Variants in PRRX2 observed in about 807,000 individuals in gnomAD.
The protein encoded by PRRX2 is paired related homeobox 2.
A neutral mutation model predicts 18.0 loss-of-function variants in PRRX2; 11 were observed. The observed-to-expected ratio is 0.61, with a 90% CI of 0.39 to 1.01. The LOEUF is 1.01. Ranked by LOEUF, PRRX2 falls within the 50% of genes least tolerant of loss-of-function variation. The pLI, the probability that PRRX2 is intolerant of heterozygous loss-of-function variation, is 0.01. For synonymous variants in PRRX2, 177 were observed against 154.8 expected (o/e 1.14, Z -1.06); for missense variants, 387 against 351.0 (o/e 1.10, Z -0.82).
intron 1 of PRRX2, among the ~76,000 whole-genome samples, chr9:129,705,949 C>T (rs1564153114): frequency 6.6e-6 from 1 of 151,898 alleles, no homozygotes; most frequent in Non-Finnish European, 1.5e-5. Context: ...CCTCTTGGGG[C>T]CTCCCCGGCA....
intron 1 of PRRX2, among the ~76,000 whole-genome samples, chr9:129,685,447 G>A (rs1216492777): frequency 1.3e-5 from 2 of 152,040 alleles, no homozygotes; most frequent in African/African-American, 2.4e-5. Flanking sequence ...GCTCACTATA[G>A]CCTCAACCTC....
intron 1 of PRRX2, among the ~76,000 whole-genome samples, chr9:129,678,818 T>TA (rs560234244): frequency 9.4e-4 from 143 of 152,250 alleles, no homozygotes; most frequent in Non-Finnish European, 1.4e-3. Flanking sequence ...GAGCATCTCT[T>TA]ACGGTCACAT....
Position 129,665,991 on chromosome 9 carries a change from C to T in PRRX2, c.124C>T (p.His42Tyr). 1 of 1,138,836 alleles carries T rather than the reference C, an allele frequency of 8.8e-7. No homozygotes were observed. The highest frequency in any genetic ancestry group is 2.3e-5 in the South Asian group (1 of 44,098). 70.5% of individuals were successfully genotyped at this position (1,138,836 alleles called of 1,614,324 possible). A position where few individuals can be genotyped will look rare whatever the true frequency, so the allele number is the denominator to read the frequency against. Residue 42 changes from histidine (H) to tyrosine (Y), a missense_variant, in exon 1 of 4, where the codon CAC (histidine) becomes TAC (tyrosine). Coordinates refer to ENST00000372469, the MANE Select transcript of PRRX2 (RefSeq NM_016307.4). This position sits in a 1 kb window ranked among gnomAD's most constrained non-coding sequence, Gnocchi z 5.3. ...AQARKNFSVS[H>Y]LLDLEEVAAA... ...GGCGCGCAAGAACTTCTCGGTGAGC[C>T]ACCTCCTGGACCTGGAAGAGGTGGC...
rs1832152064 is a variant in PRRX2, at chr9:129,675,432, A to G, written c.259+9306A>G. On this transcript the variant is annotated intron_variant, in intron 1 of 3. Coordinates refer to ENST00000372469, the MANE Select transcript of PRRX2 (RefSeq NM_016307.4). The surrounding 1 kb of genome is among the most constrained non-coding windows in gnomAD (Gnocchi z 4.4). ...AGGGTTGGGGTGTAGGAGGCAGTCAAAAGCACCCCTGCTGAGCTGGAGCCA... is the reference window on the plus strand; with the variant it reads ...AGGGTTGGGGTGTAGGAGGCAGTCAGAAGCACCCCTGCTGAGCTGGAGCCA... Among the ~76,000 whole-genome samples, 1 of 152,066 alleles carries G rather than the reference A, an allele frequency of 6.6e-6. No homozygotes were observed. Among genetic ancestry groups the G allele is most frequent in the Non-Finnish European group, 1.5e-5 (1 of 67,966 alleles).
At position 129,675,574 on chromosome 9, in the gene PRRX2, G is replaced by A. The variant is rs1832153600; in HGVS notation, c.259+9448G>A. On this transcript the variant is annotated intron_variant, in intron 1 of 3. Coordinates refer to ENST00000372469, the MANE Select transcript of PRRX2 (RefSeq NM_016307.4). This position sits in a 1 kb window ranked among gnomAD's most constrained non-coding sequence, Gnocchi z 4.4. ...GGGATGGGGATCCACTGCCCCCAGG[G>A]GGCGGCTGCCTTGCCCCAGACTTTG... Among the ~76,000 whole-genome samples, 1 of 152,028 alleles carries A rather than the reference G, an allele frequency of 6.6e-6. No homozygotes were observed.
rs1178541108 is a variant in PRRX2 at position 129,671,640 on chromosome 9, C to T, written c.259+5514C>T. 3.3e-5 allele frequency among the ~76,000 whole-genome samples: 5 copies of T among 152,194 alleles called. No individual in the cohort carries two copies. The highest frequency in any genetic ancestry group is 7.2e-5 in the African/African-American group (3 of 41,446). On this transcript the variant is annotated intron_variant, in intron 1 of 3. Coordinates refer to ENST00000372469, the MANE Select transcript of PRRX2 (RefSeq NM_016307.4). This position sits in a 1 kb window ranked among gnomAD's most constrained non-coding sequence, Gnocchi z 4.0. ...CTGTGGTATCCCTCAAAGGGCGTGTCGAGCCCTGAGTGGGTGAGGGTTCTG... is the reference window on the plus strand; with the variant it reads ...CTGTGGTATCCCTCAAAGGGCGTGTTGAGCCCTGAGTGGGTGAGGGTTCTG...
intron 1 of PRRX2, among the ~76,000 whole-genome samples, chr9:129,669,258 C>T (rs117341270): frequency 0.015 from 2,331 of 152,032 alleles, 29 homozygotes; most frequent in South Asian, 0.061. Context: ...CAGAAATGGC[C>T]GGGAAGACCG....
intron 1 of PRRX2, among the ~76,000 whole-genome samples, chr9:129,704,653 A>T (rs1003415656): frequency 2.0e-5 from 3 of 152,186 alleles, no homozygotes; most frequent in Admixed American, 6.5e-5. Context: ...TGGCCGAGTC[A>T]CTGCCCCTCC....
intron 1 of PRRX2, among the ~76,000 whole-genome samples, chr9:129,672,333 T>G (rs1298100170): frequency 6.6e-6 from 1 of 152,156 alleles, no homozygotes; most frequent in Non-Finnish European, 1.5e-5. Context: ...GCATGTCGGC[T>G]GGGGCATCAC....
chr9:129,713,476 C>G (rs1184704433), intron 1 of PRRX2, among the ~76,000 whole-genome samples: 2 of 152,102 alleles, frequency 1.3e-5, no homozygotes, highest in African/African-American at 4.8e-5. Flanking sequence ...CCCCGCCCAC[C>G]CATGGGATCA....
chr9:129,719,299 A>G lies in PRRX2; in HGVS notation c.328A>G (p.Thr110Ala), dbSNP rs1478186607. The change falls in exon 2 of 4, where the codon ACG (threonine) becomes GCG (alanine). Residue 110 changes from threonine (T) to alanine (A), a missense_variant. Transcript: ENST00000372469. Reference sequence around the variant, plus strand: ...GAAGAAGCAGCGGCGGAACCGCACCACGTTCAACAGCAGCCAACTGCAGGC... The same window carrying G: ...GAAGAAGCAGCGGCGGAACCGCACCGCGTTCAACAGCAGCCAACTGCAGGC... ...RKKKQRRNRT[T>A]FNSSQLQALE... 2.5e-6 allele frequency: 4 copies of G among 1,611,008 alleles called. No individual in the cohort carries two copies. The highest frequency in any genetic ancestry group is 3.4e-6 in the Non-Finnish European group (4 of 1,179,200).
Position 129,699,439 on chromosome 9 carries a change from A to ATGTGTGTG in PRRX2, c.260-19766_260-19759dup, listed in dbSNP as rs3138854. 8.7e-4 allele frequency among the ~76,000 whole-genome samples: 127 copies of ATGTGTGTG among 145,600 alleles called. 1 individual carries two copies. The highest frequency in any genetic ancestry group is 2.6e-3 in the African/African-American group (103 of 39,572). On this transcript the variant is annotated intron_variant, in intron 1 of 3. Coordinates refer to ENST00000372469, the MANE Select transcript of PRRX2 (RefSeq NM_016307.4). ...ACTCTGTCTCAAAAAAAATATATATATGTGTGTGTGTGTGTGTGTGTGTGT... is the reference window on the plus strand; with the variant it reads ...ACTCTGTCTCAAAAAAAATATATATATGTGTGTGTGTGTGTGTGTGTGTGTGTGTGTGT...
intron 1 of PRRX2, among the ~76,000 whole-genome samples, chr9:129,686,296 C>T (rs538370984): frequency 1.3e-5 from 2 of 152,282 alleles, no homozygotes; most frequent in Admixed American, 6.5e-5. Context: ...AAGGAGGCAT[C>T]GCTGTTAGGG....
At chr9:129,683,091 G>A (rs1387719902) in intron 1 of PRRX2, among the ~76,000 whole-genome samples, 1 of 151,960 alleles carries the variant, frequency 6.6e-6, no homozygotes, top group Non-Finnish European at 1.5e-5. Context: ...CTGGGTGAGA[G>A]TGAGACTCTG....
In PRRX2 at chr9:129,698,016, A is replaced by T. The variant is rs778716238; in HGVS notation, c.260-21215A>T. On this transcript the variant is annotated intron_variant, in intron 1 of 3. Transcript: ENST00000372469. ...GGGGCTTTTCACCCACTGGGTGAGT[A>T]CAAGGGCTTCATTGAGGCCGGTCCC... is the stretch of plus-strand genomic sequence containing the variant. Among the ~76,000 whole-genome samples the T allele has an allele frequency of 1.7e-3, 255 of 151,910 alleles. 2 individuals are homozygous for T. The highest frequency in any genetic ancestry group is 3.4e-3 in the Middle Eastern group (1 of 292).
rs1238433920 is a variant in PRRX2, at chr9:129,671,771, G to A, written c.259+5645G>A. On this transcript the variant is annotated intron_variant, in intron 1 of 3. Coordinates refer to ENST00000372469, the MANE Select transcript of PRRX2 (RefSeq NM_016307.4). The surrounding 1 kb of genome is among the most constrained non-coding windows in gnomAD (Gnocchi z 4.0). ...GCTGTCAGAGGCCCAGACAGGCAAA[G>A]CAACCTGCCCGAGGCCTCACAGCTG... Among the ~76,000 whole-genome samples the A allele has an allele frequency of 6.6e-6, 1 of 152,240 alleles. No individual in the cohort carries two copies. Among genetic ancestry groups the A allele is most frequent in the Admixed American group, 6.5e-5 (1 of 15,288 alleles).
intron 1 of PRRX2, among the ~76,000 whole-genome samples, chr9:129,687,863 C>A (rs1272004267): frequency 6.6e-6 from 1 of 152,198 alleles, no homozygotes; most frequent in Non-Finnish European, 1.5e-5. Context: ...AACCTGATGA[C>A]AGTAGCCCCC....
chr9:129,685,592 C>T (rs1832290888), intron 1 of PRRX2, among the ~76,000 whole-genome samples: 1 of 152,190 alleles, frequency 6.6e-6, no homozygotes. Context: ...GTCCTCCCAC[C>T]TCAGCCTCCC....
intron 2 of PRRX2, 99 bp downstream of exon 2, chr9:129,719,517 A>G: frequency 7.4e-7 from 1 of 1,345,306 alleles, no homozygotes; most frequent in Non-Finnish European, 9.6e-7. Context: ...GGGGTGTTTG[A>G]GCAGGAGCAT....
Sources: allele counts gnomAD v4.1 joint callset (sites outside exome capture counted in the v4.1 genomes callset), GRCh38; gene constraint gnomAD v4.1.1; non-coding constraint Gnocchi (gnomAD v3.1); transcripts MANE v1.5; gene names NCBI Gene and HGNC (gene_info 2026-07-23, HGNC 2026-07-21).